The following SCAPER variants were observed in gnomAD, a reference collection of about 807,000 sequenced individuals.
SCAPER encodes S phase cyclin A-associated protein in the endoplasmic reticulum.
SCAPER carries 98 observed loss-of-function variants against 182.2 expected under a neutral mutation model. The observed-to-expected ratio is 0.54, with a 90% CI of 0.46 to 0.64. The LOEUF (loss-of-function observed/expected upper bound fraction) is 0.64. Ranked by LOEUF, SCAPER falls within the 30% of genes least tolerant of loss-of-function variation. SCAPER has a pLI of 0.00. For synonymous variants in SCAPER, 605 were observed against 564.6 expected (o/e 1.07, Z -1.01); for missense variants, 1,432 against 1,690.0 (o/e 0.85, Z 2.68).
intron 24 of SCAPER, among the ~76,000 whole-genome samples, chr15:76,483,944 A>G (rs775746393): frequency 2.6e-5 from 4 of 152,190 alleles, no homozygotes; most frequent in Non-Finnish European, 5.9e-5. Flanking sequence ...GTAGTTCTTT[A>G]TAAAGCTAAA....
intron 22 of SCAPER, among the ~76,000 whole-genome samples, chr15:76,605,996 A>T (rs1461110122): frequency 6.6e-6 from 1 of 152,048 alleles, no homozygotes; most frequent in Non-Finnish European, 1.5e-5. Context: ...GATTTTTTGA[A>T]GGGTTTTTTG....
At chr15:76,564,567 T>C (rs2046886920) in intron 23 of SCAPER, among the ~76,000 whole-genome samples, 1 of 152,290 alleles carries the variant, frequency 6.6e-6, no homozygotes, top group South Asian at 2.1e-4. Context: ...AGACTCAATA[T>C]TGTTAAAATG....
chr15:76,690,953 G>A (rs2058320493), intron 20 of SCAPER, among the ~76,000 whole-genome samples: 2 of 152,138 alleles, frequency 1.3e-5, no homozygotes, highest in South Asian at 2.1e-4. Context: ...CTTTGAAGAG[G>A]TATTTCCACT....
At chr15:76,359,237 G>A (rs1333398221) in intron 29 of SCAPER, among the ~76,000 whole-genome samples, 1 of 151,592 alleles carries the variant, frequency 6.6e-6, no homozygotes, top group Non-Finnish European at 1.5e-5. Context: ...CTCTCCATAA[G>A]GACTACTCTT....
intron 23 of SCAPER, among the ~76,000 whole-genome samples, chr15:76,554,477 C>A (rs2046030643): frequency 6.6e-6 from 1 of 152,124 alleles, no homozygotes. Flanking sequence ...TCAGGAAATG[C>A]TGAGAACCAC....
At chr15:76,577,391 G>A (rs559835977) in intron 22 of SCAPER, among the ~76,000 whole-genome samples, 1 of 152,276 alleles carries the variant, frequency 6.6e-6, no homozygotes, top group East Asian at 1.9e-4. Context: ...AGGCTGCAGT[G>A]AGCTATGATC....
intron 23 of SCAPER, among the ~76,000 whole-genome samples, chr15:76,546,183 C>T (rs946301538): frequency 6.6e-6 from 1 of 152,142 alleles, no homozygotes; most frequent in African/African-American, 2.4e-5. Context: ...CACCAAGATA[C>T]ACCCCAGGGT....
intron 4 of SCAPER, among the ~76,000 whole-genome samples, chr15:76,845,504 T>G (rs1436850652): frequency 6.6e-6 from 1 of 152,072 alleles, no homozygotes; most frequent in African/African-American, 2.4e-5. Context: ...GATAAACAAA[T>G]TCAGTGAAGT....
intron 5 of SCAPER, among the ~76,000 whole-genome samples, chr15:76,806,943 C>G (rs2066207205): frequency 6.6e-6 from 1 of 152,036 alleles, no homozygotes; most frequent in East Asian, 1.9e-4. Flanking sequence ...TGTTTATTAG[C>G]TCTAATAATT....
chr15:76,770,459 C>T (rs954678904), intron 10 of SCAPER, among the ~76,000 whole-genome samples: 71 of 152,220 alleles, frequency 4.7e-4, no homozygotes, highest in African/African-American at 1.7e-3. Context: ...ATCACCTTAT[C>T]ACCCTTGGTT....
intron 15 of SCAPER, among the ~76,000 whole-genome samples, chr15:76,735,480 C>G (rs909421586): frequency 1.3e-5 from 2 of 151,910 alleles, no homozygotes; most frequent in African/African-American, 4.8e-5. Context: ...GGCAGATTGC[C>G]TGAGCTCAGG....
chr15:76,482,121 T>A (rs933492253), intron 24 of SCAPER, among the ~76,000 whole-genome samples: 1 of 152,150 alleles, frequency 6.6e-6, no homozygotes. Context: ...CCTAGAGCCA[T>A]GAATTCATCA....
intron 5 of SCAPER, among the ~76,000 whole-genome samples, chr15:76,831,550 A>C (rs2068484983): frequency 7.1e-6 from 1 of 140,104 alleles, no homozygotes; most frequent in African/African-American, 2.7e-5. Flanking sequence ...CTCCCCCTCA[A>C]TCACCCCATT....
chr15:76,883,811 C>A lies in SCAPER; in HGVS notation c.6+1G>T. On this transcript the variant is annotated splice_donor_variant, in intron 2 of 31. Coordinates refer to ENST00000563290, the MANE Select transcript of SCAPER (RefSeq NM_020843.4). LOFTEE classifies it high-confidence loss of function. ...AGGCTAGTCTTTAAGATATCACTTA[C>A]CATCATTCTTTAAATTCTCTTCTAT... 1 of 1,536,294 alleles carries A rather than the reference C, an allele frequency of 6.5e-7. No homozygotes were observed. Among genetic ancestry groups the A allele is most frequent in the Non-Finnish European group, 8.8e-7 (1 of 1,136,536 alleles).
chr15:76,814,040 T>C (rs1598879996), intron 5 of SCAPER, among the ~76,000 whole-genome samples: 1 of 151,938 alleles, frequency 6.6e-6, no homozygotes, highest in Non-Finnish European at 1.5e-5. Flanking sequence ...TGGTGGCAGG[T>C]GCCTATAATC....
At chr15:76,829,926 A>G (rs2068308570) in intron 5 of SCAPER, among the ~76,000 whole-genome samples, 3 of 152,330 alleles carry the variant, frequency 2.0e-5, no homozygotes, top group African/African-American at 4.8e-5. Flanking sequence ...AACTAAATAT[A>G]TAATTATTTC....
Position 76,501,701 on chromosome 15 carries a change from G to C in SCAPER, c.2954+3158C>G, listed in dbSNP as rs1014530800. Among the ~76,000 whole-genome samples the C allele has an allele frequency of 3.9e-5, 6 of 152,212 alleles. 1 individual carries two copies. The highest frequency in any genetic ancestry group is 8.8e-5 in the Non-Finnish European group (6 of 68,034). On this transcript the variant is annotated intron_variant, in intron 24 of 31. Transcript: ENST00000563290. ...AGCCATGAAATGCCACAGGAGGCAG[G>C]AAACAGCAAGGGCTAAGGTGGCAAA...
chr15:76,665,015 C>T (rs535112947), intron 21 of SCAPER, among the ~76,000 whole-genome samples: 67 of 152,108 alleles, frequency 4.4e-4, no homozygotes, highest in Admixed American at 9.2e-4. Flanking sequence ...AGAATAGTTG[C>T]CCTTGAATAG....
At chr15:76,798,953 C>T (rs1029085281) in intron 7 of SCAPER, among the ~76,000 whole-genome samples, 2 of 151,884 alleles carry the variant, frequency 1.3e-5, no homozygotes, top group South Asian at 4.2e-4. Context: ...ATGAAGACTC[C>T]AGTAAAGGAC....
Sources: gnomAD v4.1 joint callset for allele counts (sites outside exome capture counted in the v4.1 genomes callset) on GRCh38, gnomAD v4.1.1 for gene constraint, MANE v1.5 for transcripts, NCBI Gene and HGNC (gene_info 2026-07-23, HGNC 2026-07-21) for gene names.